The following STXBP2 variants were observed in gnomAD, a reference collection of about 807,000 sequenced individuals.
The protein encoded by STXBP2 is syntaxin-binding protein 2.
A neutral mutation model predicts 72.2 loss-of-function variants in STXBP2; 47 were observed. That is an observed-to-expected ratio of 0.65 (90% CI 0.51 to 0.83). The LOEUF is 0.83. Ranked by LOEUF, STXBP2 falls within the 40% of genes least tolerant of loss-of-function variation. The pLI is 0.00. For synonymous variants in STXBP2, 367 were observed against 338.7 expected (o/e 1.08, Z -0.92); for missense variants, 702 against 807.6 (o/e 0.87, Z 1.58).
rs748212253 is a variant in STXBP2 at position 7,644,716 on chromosome 19, A to T, written c.1210A>T (p.Ile404Phe). The change falls in exon 14 of 19, where the codon ATC (isoleucine) becomes TTC (phenylalanine). Residue 404 changes from isoleucine to phenylalanine, a missense_variant. By Grantham distance (21) the Ile-to-Phe change is conservative. Coordinates refer to ENST00000221283, the MANE Select transcript of STXBP2 (RefSeq NM_006949.4). ...CGCGGCGGTGCCCGCCTACGACAAG[A>T]TCCGGGTCCTGCTGCTCTACATCCT... ...LDAAVPAYDKIRVLLLYILLR... is the reference protein window; with the variant it reads ...LDAAVPAYDKFRVLLLYILLR... 6.2e-7 allele frequency: 1 copy of T among 1,613,630 alleles called. No homozygotes were observed. The highest frequency in any genetic ancestry group is 8.5e-7 in the Non-Finnish European group (1 of 1,179,806).
At chr19:7,633,482 T>C (rs780692528), upstream of STXBP2, 1 of 1,563,112 alleles carries the variant, frequency 6.4e-7, no homozygotes, top group Non-Finnish European at 8.7e-7. Context: ...GTCACTTTTC[T>C]GCTGGCCTCT....
Position 7,639,000 on chromosome 19 carries a change from T to C in STXBP2, c.88-19T>C, listed in dbSNP as rs1381714102. 6.2e-7 allele frequency: 1 copy of C among 1,613,948 alleles called. No homozygotes were observed. Among genetic ancestry groups the C allele is most frequent in the East Asian group, 2.2e-5 (1 of 44,874 alleles). On this transcript the variant is annotated intron_variant, in intron 2 of 18. Coordinates refer to ENST00000221283, the MANE Select transcript of STXBP2 (RefSeq NM_006949.4). The stretch of plus-strand genomic sequence containing the variant: ...TCTTCCGCCTGCTCCTCCATCCATC[T>C]GTCCATCCATCTGGACAGGTGCTTA...
At chr19:7,633,293 G>A, upstream of STXBP2, 1 of 1,106,616 alleles carries the variant, frequency 9.0e-7, no homozygotes, top group Non-Finnish European at 1.3e-6. Context: ...CCACAACTGG[G>A]TCAGGGGGTC....
upstream of STXBP2, chr19:7,632,012 C>A: frequency 2.0e-6 from 1 of 501,456 alleles, no homozygotes; most frequent in Non-Finnish European, 3.4e-6. The surrounding 1 kb of genome is among the most constrained non-coding windows in gnomAD (Gnocchi z 5.2). Context: ...GGATCTTGAT[C>A]AGAACCCAAG....
chr19:7,636,937 C>A, upstream of STXBP2: 1 of 415,326 alleles, frequency 2.4e-6, no homozygotes, highest in South Asian at 1.3e-4. Context: ...GCACCTCCAG[C>A]GACTTCGTGC....
Position 7,642,205 on chromosome 19 carries a change from C to T in STXBP2, c.666C>T (p.Gly222=), listed in dbSNP as rs1391131789. The change falls in exon 9 of 19, where the codon GGC becomes GGT. Residue 222 remains glycine, a splice_region_variant and synonymous_variant. Coordinates refer to ENST00000221283, the MANE Select transcript of STXBP2 (RefSeq NM_006949.4). This position sits in a 1 kb window ranked among gnomAD's most constrained non-coding sequence, Gnocchi z 6.0. ...FKADTPSLGE[G]PEKTRSQLLI... is the part of the protein sequence containing the mutation. Reference sequence around the variant, plus strand: ...TCCTGCCCTAAACCCCACCCCAGGGCCCAGAGAAAACCCGCTCCCAGCTGC... The same window carrying T: ...TCCTGCCCTAAACCCCACCCCAGGGTCCAGAGAAAACCCGCTCCCAGCTGC... 6.2e-7 allele frequency: 1 copy of T among 1,614,044 alleles called. No homozygotes were observed. The highest frequency in any genetic ancestry group is 8.5e-7 in the Non-Finnish European group (1 of 1,180,018).
At position 7,642,559 on chromosome 19, in the gene STXBP2, T is replaced by TCC. The variant is rs145351567; in HGVS notation, c.902+31_902+32dup. The stretch of plus-strand genomic sequence containing the variant: ...CAAGTGCGTGCACACGGGGACCGGA[T>TCC]CCCCCCCCCACCGCCCACTGTGGGC... On this transcript the variant is annotated intron_variant, in intron 10 of 18. Coordinates refer to ENST00000221283, the MANE Select transcript of STXBP2 (RefSeq NM_006949.4). The surrounding 1 kb of genome is among the most constrained non-coding windows in gnomAD (Gnocchi z 6.0). 28 of 1,571,754 alleles carry TCC rather than the reference T, an allele frequency of 1.8e-5. No homozygotes were observed. In the Admixed American group the frequency reaches 2.7e-4, roughly 15 times the overall value.
chr19:7,644,125 G>C (rs1312463504), intron 13 of STXBP2, among the ~76,000 whole-genome samples: 167 of 123,740 alleles, frequency 1.3e-3, no homozygotes, highest in East Asian at 3.2e-3. Context: ...CCTTGGAGAG[G>C]TGGGACTTGG....
chr19:7,646,953 G>A (rs2032159761), intron 16 of STXBP2: 2 of 604,568 alleles, frequency 3.3e-6, no homozygotes, highest in Non-Finnish European at 5.9e-6. Context: ...TATGGAATTA[G>A]ATTCGTGGGT....
chr19:7,644,730 G>T lies in STXBP2; in HGVS notation c.1224G>T (p.Leu408=). ...VPAYDKIRVL[L]LYILLRNGVS... is the part of the protein sequence containing the mutation. ...CCTACGACAAGATCCGGGTCCTGCT[G>T]CTCTACATCCTCCTTCGGAATGGTG... is the stretch of plus-strand genomic sequence containing the variant. Residue 408 remains leucine, a synonymous_variant, in exon 14 of 19, where the codon CTG becomes CTT. Coordinates refer to ENST00000221283, the MANE Select transcript of STXBP2 (RefSeq NM_006949.4). 1 of 1,613,778 alleles carries T rather than the reference G, an allele frequency of 6.2e-7. No individual in the cohort carries two copies. The highest frequency in any genetic ancestry group is 8.5e-7 in the Non-Finnish European group (1 of 1,179,852).
chr19:7,630,599 G>T, the STXBP2 span: 1 of 1,537,062 alleles, frequency 6.5e-7, no homozygotes, highest in African/African-American at 1.4e-5. Flanking sequence ...CTTTCCCTGT[G>T]GCTATGTTCT....
rs1191158377 is a variant in STXBP2, at chr19:7,642,350, C to G, written c.794+17C>G. 1.2e-6 allele frequency: 2 copies of G among 1,613,490 alleles called. No homozygotes were observed. Among genetic ancestry groups the G allele is most frequent in the Non-Finnish European group, 8.5e-7 (1 of 1,179,416 alleles). Reference sequence around the variant, plus strand: ...CACATACAGGTCTGCAGACTTGGAACCCGTCCCCACCCTTGCCACTGACCT... The same window carrying G: ...CACATACAGGTCTGCAGACTTGGAAGCCGTCCCCACCCTTGCCACTGACCT... On this transcript the variant is annotated intron_variant, in intron 9 of 18. Coordinates refer to ENST00000221283, the MANE Select transcript of STXBP2 (RefSeq NM_006949.4). The surrounding 1 kb of genome is among the most constrained non-coding windows in gnomAD (Gnocchi z 6.0).
rs1427481993 is a variant in STXBP2 at position 7,642,732 on chromosome 19, C to T, written c.903-34C>T. On this transcript the variant is annotated intron_variant, in intron 10 of 18. Coordinates refer to ENST00000221283, the MANE Select transcript of STXBP2 (RefSeq NM_006949.4). The surrounding 1 kb of genome is among the most constrained non-coding windows in gnomAD (Gnocchi z 6.0). ...CACCCATGGCCTGTGGCTCCTCTCC[C>T]CTCACTCTCACCCCCGCCCACCCTC... 1.2e-6 allele frequency: 2 copies of T among 1,611,064 alleles called. No homozygotes were observed. The highest frequency in any genetic ancestry group is 1.7e-6 in the Non-Finnish European group (2 of 1,178,216).
chr19:7,637,680 C>T (rs1359705633), intron 1 of STXBP2, among the ~76,000 whole-genome samples: 1 of 152,146 alleles, frequency 6.6e-6, no homozygotes, highest in Non-Finnish European at 1.5e-5. Flanking sequence ...CGCCTTGCAG[C>T]TGGAGGACGC....
Position 7,645,250 on chromosome 19 carries a change from C to T in STXBP2, c.1300C>T (p.His434Tyr). 2 of 1,583,724 alleles carry T rather than the reference C, an allele frequency of 1.3e-6. No homozygotes were observed. The highest frequency in any genetic ancestry group is 1.1e-5 in the South Asian group (1 of 87,020). Residue 434 changes from histidine to tyrosine, a missense_variant, in exon 15 of 19, where the codon CAC becomes TAC. Physicochemically the swap from His to Tyr is moderately conservative, Grantham distance 83. Coordinates refer to ENST00000221283, the MANE Select transcript of STXBP2 (RefSeq NM_006949.4). ...GATCCAGCATGCCAATGTACAGGCG[C>T]ACAGCAGCCTCATCCGTAACCTGGA... ...KLIQHANVQA[H>Y]SSLIRNLEQL...
Position 7,642,077 on chromosome 19 carries a change from A to C in STXBP2, c.622A>C (p.Lys208Gln), listed in dbSNP as rs1015967474. 4.3e-6 allele frequency: 7 copies of C among 1,613,932 alleles called. No individual in the cohort carries two copies. The highest frequency in any genetic ancestry group is 5.9e-6 in the Non-Finnish European group (7 of 1,180,006). ...TAQLAHAVLA[K>Q]LNAFKADTPS... is the part of the protein sequence containing the mutation. ...CCAGTTGGCCCACGCCGTCCTGGCC[A>C]AGCTGAACGCCTTCAAGGCAGACAC... Residue 208 changes from lysine to glutamine, a missense_variant, in exon 8 of 19, where the codon AAG (lysine) becomes CAG (glutamine). Physicochemically the swap from Lys to Gln is moderately conservative, Grantham distance 53. Transcript: ENST00000221283. The surrounding 1 kb of genome is among the most constrained non-coding windows in gnomAD (Gnocchi z 6.0).
chr19:7,646,853 G>A, intron 16 of STXBP2: 1 of 518,056 alleles, frequency 1.9e-6, no homozygotes, highest in South Asian at 2.2e-5. Context: ...AGGGCTGGGG[G>A]TATTGACTGA....
At position 7,642,645 on chromosome 19, in the gene STXBP2, C is replaced by T. The variant is rs531266701; in HGVS notation, c.902+109C>T. On this transcript the variant is annotated intron_variant, in intron 10 of 18. Coordinates refer to ENST00000221283, the MANE Select transcript of STXBP2 (RefSeq NM_006949.4). The surrounding 1 kb of genome is among the most constrained non-coding windows in gnomAD (Gnocchi z 6.0). Reference sequence around the variant, plus strand: ...GTCTTTGGCCCTCATGAGCACCCCTCGTGTGACTCCAGACTGGCCTCCAAT... The same window carrying T: ...GTCTTTGGCCCTCATGAGCACCCCTTGTGTGACTCCAGACTGGCCTCCAAT... The T allele has an allele frequency of 7.3e-5, 108 of 1,484,990 alleles. No individual in the cohort carries two copies. The South Asian group carries it at 1.1e-3, about 15-fold the overall frequency. The allele number at this position is 1,484,990 out of a possible 1,614,324, so 92.0% of individuals were successfully genotyped here. A position where few individuals can be genotyped will look rare whatever the true frequency, so the allele number is the denominator to read the frequency against.
the STXBP2 span, chr19:7,631,301 G>GACCACCGA: frequency 1.4e-6 from 2 of 1,412,508 alleles, no homozygotes; most frequent in Admixed American, 3.1e-5. Flanking sequence ...AGAGTGAAGC[G>GACCACCGA]GATCCCACGC....
Sources: allele counts gnomAD v4.1 joint callset (sites outside exome capture counted in the v4.1 genomes callset), GRCh38; gene constraint gnomAD v4.1.1; non-coding constraint Gnocchi (gnomAD v3.1); transcripts MANE v1.5; gene names NCBI Gene and HGNC (gene_info 2026-07-23, HGNC 2026-07-21).